The following GPHN variants were observed in gnomAD, a reference collection of about 807,000 sequenced individuals.
GPHN encodes the protein gephyrin.
A neutral mutation model predicts 95.5 loss-of-function variants in GPHN; 17 were observed. The observed-to-expected ratio is 0.18, with a 90% confidence interval of 0.12 to 0.27. The LOEUF is 0.27. Ranked by LOEUF, GPHN falls within the 10% of genes least tolerant of loss-of-function variation. The probability of loss-of-function intolerance (pLI) is 1.00; values close to 1 mark genes in which losing one functional copy is unlikely to be tolerated. For synonymous variants in GPHN, 320 were observed against 322.5 expected, an observed-to-expected ratio of 0.99 and a Z score of 0.08; for missense variants, 660 against 978.1, an observed-to-expected ratio of 0.67 and a Z score of 4.34.
At chr14:67,118,764 C>T (rs2078844499) in intron 16 of GPHN, among the ~76,000 whole-genome samples, 2 of 151,834 alleles carry the variant, frequency 1.3e-5, no homozygotes. Flanking sequence ...CTCCAGGGGT[C>T]GCGGGGGGAG....
chr14:67,667,683 G>A, the GPHN span, among the ~76,000 whole-genome samples: 3 of 152,106 alleles, frequency 2.0e-5, no homozygotes, highest in Non-Finnish European at 4.4e-5. Context: ...GGTGGCTCAC[G>A]CCTGTAATCC....
intron 2 of GPHN, among the ~76,000 whole-genome samples, chr14:66,695,856 A>G (rs2068070513): frequency 6.6e-6 from 1 of 152,218 alleles, no homozygotes. Flanking sequence ...GTTAGAGAGG[A>G]GGAAGGGATG....
intron 12 of GPHN, among the ~76,000 whole-genome samples, chr14:67,096,338 C>G (rs2153673728): frequency 6.6e-6 from 1 of 152,282 alleles, no homozygotes; most frequent in Non-Finnish European, 1.5e-5. Context: ...GAACTCCATA[C>G]TAGGCTTGCC....
At chr14:66,732,717 A>G (rs1177758158) in intron 2 of GPHN, among the ~76,000 whole-genome samples, 2 of 152,052 alleles carry the variant, frequency 1.3e-5, no homozygotes, top group Non-Finnish European at 2.9e-5. Flanking sequence ...GGGATTCACC[A>G]CATTGGCCAG....
chr14:67,224,112 C>T, the GPHN span: 11 of 674,338 alleles, frequency 1.6e-5, no homozygotes, highest in Admixed American at 6.3e-5. Flanking sequence ...CAGCAGTTTG[C>T]GAAAGTTAAA....
intron 1 of GPHN, among the ~76,000 whole-genome samples, chr14:66,672,011 C>T (rs903673406): frequency 3.9e-5 from 6 of 152,102 alleles, no homozygotes; most frequent in African/African-American, 1.4e-4. Context: ...TGTCATATAG[C>T]TAGTTTGATA....
chr14:66,658,521 C>T (rs1332676362), intron 1 of GPHN, among the ~76,000 whole-genome samples: 2 of 152,104 alleles, frequency 1.3e-5, no homozygotes, highest in Non-Finnish European at 2.9e-5. Flanking sequence ...TCATTGTTAT[C>T]TTTCTGTTGC....
chr14:67,574,797 T>C, the GPHN span, among the ~76,000 whole-genome samples: 2 of 152,060 alleles, frequency 1.3e-5, no homozygotes, highest in African/African-American at 2.4e-5. The surrounding 1 kb of genome is among the most constrained non-coding windows in gnomAD (Gnocchi z 4.2). Context: ...CTAAAGACAT[T>C]TTTGTTAGGG....
intron 3 of GPHN, among the ~76,000 whole-genome samples, chr14:66,787,494 T>C (rs1400163881): frequency 6.6e-6 from 1 of 152,058 alleles, no homozygotes; most frequent in African/African-American, 2.4e-5. Context: ...TCTAAAATTA[T>C]ATGGAAAAAC....
At chr14:67,110,433 A>G in intron 14 of GPHN, 174 bp downstream of exon 14, 1 of 642,452 alleles carries the variant, frequency 1.6e-6, no homozygotes, top group Non-Finnish European at 2.8e-6. Flanking sequence ...TAAATAAGAA[A>G]TTTCCTTAAT....
At chr14:66,840,440 T>G (rs2062028250) in intron 4 of GPHN, among the ~76,000 whole-genome samples, 1 of 152,116 alleles carries the variant, frequency 6.6e-6, no homozygotes, top group Non-Finnish European at 1.5e-5. Flanking sequence ...CTTCTAAATA[T>G]AAAATACTAT....
chr14:67,057,259 C>T (rs763070743), intron 10 of GPHN, among the ~76,000 whole-genome samples: 14 of 152,070 alleles, frequency 9.2e-5, no homozygotes, highest in Admixed American at 2.6e-4. Context: ...GCTATGCAGC[C>T]GTAAAAAGGA....
chr14:66,729,826 T>A (rs1005668846), intron 2 of GPHN, among the ~76,000 whole-genome samples: 1 of 152,214 alleles, frequency 6.6e-6, no homozygotes, highest in Non-Finnish European at 1.5e-5. Flanking sequence ...GTCAATGGGT[T>A]GTCAGAAAGA....
At chr14:66,653,508 C>A (rs1266416555) in intron 1 of GPHN, among the ~76,000 whole-genome samples, 1 of 152,136 alleles carries the variant, frequency 6.6e-6, no homozygotes, top group Non-Finnish European at 1.5e-5. Context: ...GAGTTTGACA[C>A]TGACCCAGTG....
chr14:66,793,429 G>T (rs2060044683), intron 3 of GPHN, among the ~76,000 whole-genome samples: 1 of 152,104 alleles, frequency 6.6e-6, no homozygotes, highest in Non-Finnish European at 1.5e-5. Flanking sequence ...AATAAAACCA[G>T]AAATGGGAAA....
At chr14:66,827,562 GTAAGAGTTAATTTA>G (rs2061429610) in intron 4 of GPHN, among the ~76,000 whole-genome samples, 1 of 152,154 alleles carries the variant, frequency 6.6e-6, no homozygotes, top group African/African-American at 2.4e-5. Flanking sequence ...GGTATTTTAT[GTAAGAGTTAATTTA>G]TAAGAGTTAA....
the GPHN span, chr14:67,647,031 TA>T: frequency 1.3e-6 from 2 of 1,581,278 alleles, no homozygotes; most frequent in Non-Finnish European, 8.7e-7. Flanking sequence ...GGCAAGTAAG[TA>T]ACTATAACTG....
the GPHN span, chr14:67,735,294 T>G: frequency 1.2e-6 from 1 of 866,964 alleles, no homozygotes; most frequent in Non-Finnish European, 2.0e-6. Flanking sequence ...TCAGGCTACA[T>G]CTCACCTCTC....
the GPHN span, among the ~76,000 whole-genome samples, chr14:67,419,637 C>T: frequency 3.3e-5 from 5 of 152,020 alleles, no homozygotes; most frequent in African/African-American, 7.2e-5. Context: ...CCGAGGCGGG[C>T]GGATCATGAG....
Sources: allele counts gnomAD v4.1 joint callset (sites outside exome capture counted in the v4.1 genomes callset), GRCh38; gene constraint gnomAD v4.1.1; non-coding constraint Gnocchi (gnomAD v3.1); transcripts MANE v1.5; gene names NCBI Gene and HGNC (gene_info 2026-07-23, HGNC 2026-07-21).